Variants in PDE10A observed in about 807,000 individuals in gnomAD.
PDE10A encodes the protein cAMP and cAMP-inhibited cGMP 3',5'-cyclic phosphodiesterase 10A.
Under a neutral mutation model 97.7 loss-of-function variants are expected in PDE10A, and 39 were observed. That is an observed-to-expected ratio of 0.40 (90% CI 0.31 to 0.52). The LOEUF (loss-of-function observed/expected upper bound fraction) is 0.52. Ranked by LOEUF, PDE10A falls within the 20% of genes least tolerant of loss-of-function variation. The pLI is 0.56. For missense variants in PDE10A, 731 were observed against 1,047.8 expected, an observed-to-expected ratio of 0.70 and a Z score of 4.17; for synonymous variants, 371 against 376.8, an observed-to-expected ratio of 0.98 and a Z score of 0.18.
chr6:165,680,579 C>T (rs1216076372), intron 1 of PDE10A, among the ~76,000 whole-genome samples: 1 of 152,170 alleles, frequency 6.6e-6, no homozygotes, highest in Non-Finnish European at 1.5e-5. Flanking sequence ...CACTGTGTAA[C>T]ACATATACAC....
At chr6:165,739,630 A>C (rs1792670206) in intron 1 of PDE10A, among the ~76,000 whole-genome samples, 1 of 152,204 alleles carries the variant, frequency 6.6e-6, no homozygotes, top group Non-Finnish European at 1.5e-5. Flanking sequence ...AAACAAAAAA[A>C]AGTAAACAAA....
chr6:165,523,585 G>C (rs917633507), intron 2 of PDE10A, among the ~76,000 whole-genome samples: 1 of 152,086 alleles, frequency 6.6e-6, no homozygotes, highest in Admixed American at 6.6e-5. Flanking sequence ...AAAGAACCTA[G>C]ACCCCAACCT....
chr6:165,983,623 C>T (rs952076172), intron 1 of PDE10A, among the ~76,000 whole-genome samples: 1 of 152,206 alleles, frequency 6.6e-6, no homozygotes, highest in Non-Finnish European at 1.5e-5. Flanking sequence ...AATATACTCT[C>T]AATGGTTGAA....
At chr6:165,931,495 AGAAC>A (rs1401862181) in intron 1 of PDE10A, among the ~76,000 whole-genome samples, 6 of 152,240 alleles carry the variant, frequency 3.9e-5, no homozygotes, top group Non-Finnish European at 8.8e-5. Flanking sequence ...GATTCGAGGC[AGAAC>A]TAATTCTGTG....
At position 165,747,599 on chromosome 6, in the gene PDE10A, T is replaced by A. The variant is rs537633548; in HGVS notation, c.-614-204031A>T. Among the ~76,000 whole-genome samples the A allele has an allele frequency of 5.3e-3, 801 of 151,866 alleles. 4 individuals carry two copies. Among genetic ancestry groups the A allele is most frequent in the Middle Eastern group, 0.02 (6 of 294 alleles). On this transcript the variant is annotated intron_variant, in intron 1 of 19. Transcript: ENST00000366882. ...AAAATGATCAAGTTTTTTTTTTTAA[T>A]GGAATGTGTGAATAAATCCACAGCA...
At chr6:165,956,435 A>AC (rs1288282175) in intron 1 of PDE10A, among the ~76,000 whole-genome samples, 13 of 152,248 alleles carry the variant, frequency 8.5e-5, no homozygotes, top group African/African-American at 2.9e-4. Flanking sequence ...TGTTTAATTT[A>AC]CTAGTATCTC....
At chr6:165,699,516 C>T (rs769650055) in intron 1 of PDE10A, among the ~76,000 whole-genome samples, 8 of 152,140 alleles carry the variant, frequency 5.3e-5, no homozygotes, top group Non-Finnish European at 8.8e-5. Flanking sequence ...TGCAATAGAA[C>T]ACTCCAACTA....
At position 165,531,879 on chromosome 6, in the gene PDE10A, C is replaced by T. The variant is rs149223959; in HGVS notation, c.994+11561G>A. 3.3e-5 allele frequency among the ~76,000 whole-genome samples: 5 copies of T among 152,224 alleles called. No individual in the cohort carries two copies. The East Asian group carries it at 9.6e-4, about 29-fold the overall frequency. On this transcript the variant is annotated intron_variant, in intron 2 of 21. Coordinates refer to ENST00000539869, the MANE Select transcript of PDE10A (RefSeq NM_001385079.1). ...AATATATGAAATGGGAATTAAAAGA[C>T]AAAACCTTTAAACCATCTTCTTGCA...
At chr6:165,482,836 A>G (rs1192685352) in intron 2 of PDE10A, among the ~76,000 whole-genome samples, 1 of 152,214 alleles carries the variant, frequency 6.6e-6, no homozygotes, top group African/African-American at 2.4e-5. Context: ...AGTCATTAAT[A>G]ATAGTGCTGC....
intron 16 of PDE10A, among the ~76,000 whole-genome samples, chr6:165,389,223 G>GT (rs1424451491): frequency 2.0e-5 from 3 of 152,180 alleles, no homozygotes; most frequent in African/African-American, 7.2e-5. Flanking sequence ...TTATTACACG[G>GT]TTTTTAGCAG....
At chr6:165,535,238 T>C (rs922808376) in intron 2 of PDE10A, among the ~76,000 whole-genome samples, 4 of 151,650 alleles carry the variant, frequency 2.6e-5, no homozygotes, top group African/African-American at 9.7e-5. Context: ...AAAATATATA[T>C]ATATATATAT....
chr6:165,408,525 G>A (rs752072404), intron 13 of PDE10A, among the ~76,000 whole-genome samples: 1 of 151,888 alleles, frequency 6.6e-6, no homozygotes, highest in Non-Finnish European at 1.5e-5. Flanking sequence ...TTTTCAAGTG[G>A]GTAAGGTTCT....
chr6:165,879,356 G>T (rs1382841757), intron 1 of PDE10A, among the ~76,000 whole-genome samples: 1 of 152,148 alleles, frequency 6.6e-6, no homozygotes, highest in Non-Finnish European at 1.5e-5. Context: ...AGCAATTTTG[G>T]GGGACCAGCA....
intron 10 of PDE10A, among the ~76,000 whole-genome samples, chr6:165,421,508 AAAG>A (rs1469886093): frequency 6.6e-6 from 1 of 152,204 alleles, no homozygotes; most frequent in Non-Finnish European, 1.5e-5. Context: ...AAATGGAATA[AAAG>A]AATATATAGA....
chr6:165,629,622 C>G (rs1404779924), intron 1 of PDE10A, among the ~76,000 whole-genome samples: 1 of 151,196 alleles, frequency 6.6e-6, no homozygotes, highest in Non-Finnish European at 1.5e-5. Flanking sequence ...AAACCTCCAC[C>G]TGCCAGGCTC....
chr6:165,384,601 A>G (rs1785133909), intron 17 of PDE10A, among the ~76,000 whole-genome samples: 1 of 147,070 alleles, frequency 6.8e-6, no homozygotes, highest in African/African-American at 2.5e-5. Context: ...TTTCCCTACC[A>G]TGAGTAACGT....
chr6:165,353,391 C>T (rs1399223461), intron 18 of PDE10A, among the ~76,000 whole-genome samples: 1 of 152,124 alleles, frequency 6.6e-6, no homozygotes, highest in Non-Finnish European at 1.5e-5. Context: ...AATACTTACC[C>T]AGAGGAGTTG....
intron 18 of PDE10A, among the ~76,000 whole-genome samples, chr6:165,373,936 A>G (rs1784436766): frequency 6.6e-6 from 1 of 151,888 alleles, no homozygotes; most frequent in African/African-American, 2.4e-5. Flanking sequence ...TTGTAGGGAC[A>G]TGGATGAAAT....
At chr6:165,966,441 A>G (rs1784513752) in intron 1 of PDE10A, among the ~76,000 whole-genome samples, 1 of 152,174 alleles carries the variant, frequency 6.6e-6, no homozygotes, top group South Asian at 2.1e-4. Flanking sequence ...TATGTCTGTG[A>G]CCATTACTCA....
Sources: gnomAD v4.1 joint callset for allele counts (sites outside exome capture counted in the v4.1 genomes callset) on GRCh38, gnomAD v4.1.1 for gene constraint, MANE v1.5 for transcripts, NCBI Gene and HGNC (gene_info 2026-07-23, HGNC 2026-07-21) for gene names.